Variants in CFAP61 observed in about 807,000 individuals in gnomAD.
CFAP61 encodes the protein cilia- and flagella-associated protein 61.
In CFAP61, 107 loss-of-function variants were observed where a neutral mutation model predicts 135.6. That is an observed-to-expected ratio of 0.79 (90% CI 0.67 to 0.93). CFAP61 has a LOEUF of 0.93. Among genes scored for constraint, CFAP61 ranks in the 40% least tolerant of loss-of-function variants. The pLI, the probability that CFAP61 is intolerant of heterozygous loss-of-function variation, is 0.00. For missense variants in CFAP61, 1,507 were observed against 1,556.2 expected (o/e 0.97, Z 0.53); for synonymous variants, 575 against 578.5 (o/e 0.99, Z 0.09).
chr20:20,278,773 T>A (rs538973045), intron 22 of CFAP61, among the ~76,000 whole-genome samples: 1 of 152,286 alleles, frequency 6.6e-6, no homozygotes, highest in East Asian at 1.9e-4. Context: ...AAGGAAGATT[T>A]TTTTTAGAAT....
At chr20:20,263,465 A>T (rs1394294559) in intron 21 of CFAP61, among the ~76,000 whole-genome samples, 1 of 127,402 alleles carries the variant, frequency 7.8e-6, no homozygotes, top group African/African-American at 2.8e-5. Flanking sequence ...AATTATATGG[A>T]AAATATGTCT....
intron 17 of CFAP61, among the ~76,000 whole-genome samples, chr20:20,211,775 T>C (rs2047660960): frequency 6.6e-6 from 1 of 152,232 alleles, no homozygotes; most frequent in Non-Finnish European, 1.5e-5. Context: ...TGGTAGTCAC[T>C]GTAATTGTGG....
Position 20,096,546 on chromosome 20 carries a change from C to T in CFAP61, c.700-2109C>T, listed in dbSNP as rs6112760. Among the ~76,000 whole-genome samples the T allele has an allele frequency of 3.0e-3, 464 of 152,378 alleles. 2 individuals are homozygous for T. Among genetic ancestry groups the T allele is most frequent in the Non-Finnish European group, 5.8e-3 (392 of 68,036 alleles). ...ACATTCTTATCATACACATGCAGCT[C>T]GCTGTGAAGCCAGCAAAAGGTATTT... is the stretch of plus-strand genomic sequence containing the variant. On this transcript the variant is annotated intron_variant, in intron 7 of 26. Coordinates refer to ENST00000245957, the MANE Select transcript of CFAP61 (RefSeq NM_015585.4).
chr20:20,166,445 A>G lies in CFAP61; in HGVS notation c.1245+9A>G. The G allele has an allele frequency of 6.2e-7, 1 of 1,609,396 alleles. No individual in the cohort carries two copies. The stretch of plus-strand genomic sequence containing the variant: ...TTTTCAGTCTTTTTTCTGTAAGTAC[A>G]TGCTGAATTTTGAGAACTGATTTTG... On this transcript the variant is annotated intron_variant, in intron 12 of 26. Transcript: ENST00000245957.
chr20:20,292,690 GC>G (rs1268755211), intron 24 of CFAP61, among the ~76,000 whole-genome samples: 1 of 152,200 alleles, frequency 6.6e-6, no homozygotes, highest in Non-Finnish European at 1.5e-5. Context: ...GTTCACCACA[GC>G]CTCCCCACCT....
Position 20,359,691 on chromosome 20 carries a change from A to AC in CFAP61, c.3514-518dup, listed in dbSNP as rs2059404911. On this transcript the variant is annotated intron_variant, in intron 26 of 26. Transcript: ENST00000245957. This position sits in a 1 kb window ranked among gnomAD's most constrained non-coding sequence, Gnocchi z 4.0. ...AAAAGCAAAAAACAAAACAACAACA[A>AC]CAACAAAACAAGTATGATCTACAGA... 2.4e-5 allele frequency among the ~76,000 whole-genome samples: 2 copies of AC among 81,960 alleles called. No individual in the cohort carries two copies. Among genetic ancestry groups the AC allele is most frequent in the Non-Finnish European group, 6.4e-5 (2 of 31,466 alleles). The allele number at this position is 81,960 out of a possible 152,430, so 53.8% of individuals were successfully genotyped here. A position where few individuals can be genotyped will look rare whatever the true frequency, so the allele number is the denominator to read the frequency against.
intron 25 of CFAP61, among the ~76,000 whole-genome samples, chr20:20,331,540 A>G (rs1403002051): frequency 6.6e-6 from 1 of 152,146 alleles, no homozygotes; most frequent in Non-Finnish European, 1.5e-5. Flanking sequence ...CATTTCAAAC[A>G]TGGTGTGTGT....
chr20:20,196,692 C>CAAACTTCAGAAAG lies in CFAP61; in HGVS notation c.1715_1716insACTTCAGAAAGAA (p.Phe573LeufsTer16), dbSNP rs1308474370. On this transcript the variant is annotated frameshift_variant, in exon 16 of 27. Coordinates refer to ENST00000245957, the MANE Select transcript of CFAP61 (RefSeq NM_015585.4). LOFTEE classifies it high-confidence loss of function. ...TCAACCCCATTTTCCGGCACTACAC[C>CAAACTTCAGAAAG]AAGTTCTTTCTGAAGGAGATCCTGC... 6.2e-7 allele frequency: 1 copy of CAAACTTCAGAAAG among 1,614,018 alleles called. No individual in the cohort carries two copies. Among genetic ancestry groups the CAAACTTCAGAAAG allele is most frequent in the African/African-American group, 1.3e-5 (1 of 74,904 alleles).
At chr20:20,053,946 C>T (rs1329824939) in intron 1 of CFAP61, among the ~76,000 whole-genome samples, 2 of 151,062 alleles carry the variant, frequency 1.3e-5, no homozygotes, top group Non-Finnish European at 2.9e-5. Flanking sequence ...TTCTGATCAC[C>T]ATCCTTCTCT....
chr20:20,206,349 C>T (rs375420422), intron 17 of CFAP61, among the ~76,000 whole-genome samples: 1 of 152,124 alleles, frequency 6.6e-6, no homozygotes, highest in Non-Finnish European at 1.5e-5. Flanking sequence ...GTTGAACAAC[C>T]ATCACCACTA....
intron 21 of CFAP61, among the ~76,000 whole-genome samples, chr20:20,273,684 G>C (rs1347487321): frequency 6.6e-6 from 1 of 152,206 alleles, no homozygotes; most frequent in Non-Finnish European, 1.5e-5. Context: ...TAGGCTCCAG[G>C]GATAACATGA....
In CFAP61 at chr20:20,228,254, T is replaced by C; in HGVS notation, c.1938T>C (p.Ser646=). ...PSKAVSKDPM[S]YALNHTNRKL... ...TCTTCGTATTTTTTTTCCAGATGAG[T>C]TATGCTTTAAACCATACAAACAGAA... The change falls in exon 18 of 27, where the codon AGT becomes AGC. Residue 646 remains serine (S), a synonymous_variant. Coordinates refer to ENST00000245957, the MANE Select transcript of CFAP61 (RefSeq NM_015585.4). 6.2e-7 allele frequency: 1 copy of C among 1,601,392 alleles called. No individual in the cohort carries two copies. Among genetic ancestry groups the C allele is most frequent in the Non-Finnish European group, 8.5e-7 (1 of 1,169,836 alleles).
At chr20:20,212,966 C>T (rs1363799226) in intron 17 of CFAP61, among the ~76,000 whole-genome samples, 7 of 149,554 alleles carry the variant, frequency 4.7e-5, no homozygotes, top group African/African-American at 7.3e-5. Context: ...GCACCGTGTC[C>T]GGTGGCAGCA....
At chr20:20,133,638 C>G (rs952058141) in intron 8 of CFAP61, among the ~76,000 whole-genome samples, 1 of 152,182 alleles carries the variant, frequency 6.6e-6, no homozygotes, top group African/African-American at 2.4e-5. Flanking sequence ...ATGCTGATGA[C>G]TTTTGTCATG....
chr20:20,275,611 G>C (rs915462202), intron 21 of CFAP61, among the ~76,000 whole-genome samples: 1 of 152,168 alleles, frequency 6.6e-6, no homozygotes, highest in Admixed American at 6.5e-5. Flanking sequence ...GCTCACAGTA[G>C]AGCTGCTAAC....
intron 8 of CFAP61, among the ~76,000 whole-genome samples, chr20:20,128,326 C>T (rs1389005888): frequency 6.6e-6 from 1 of 151,770 alleles, no homozygotes; most frequent in Non-Finnish European, 1.5e-5. Flanking sequence ...CAGGAATGGC[C>T]TGCCTGGGAA....
intron 8 of CFAP61, among the ~76,000 whole-genome samples, chr20:20,115,625 A>C (rs1046469773): frequency 6.6e-6 from 1 of 152,134 alleles, no homozygotes; most frequent in Non-Finnish European, 1.5e-5. Context: ...GGTAACCACC[A>C]ATCTACTCTC....
intron 22 of CFAP61, among the ~76,000 whole-genome samples, chr20:20,278,387 AC>A (rs1285223888): frequency 1.3e-5 from 2 of 152,076 alleles, no homozygotes; most frequent in African/African-American, 4.8e-5. Flanking sequence ...TCCAGCCTGC[AC>A]CCTCAGAGTT....
At chr20:20,296,297 C>CCATT (rs2055531727) in intron 24 of CFAP61, among the ~76,000 whole-genome samples, 1 of 81,260 alleles carries the variant, frequency 1.2e-5, no homozygotes, top group Non-Finnish European at 2.4e-5. Flanking sequence ...TTCCCTCCTT[C>CCATT]CCTTCCTTCC....
Sources: gnomAD v4.1 joint callset for allele counts (sites outside exome capture counted in the v4.1 genomes callset) on GRCh38, gnomAD v4.1.1 for gene constraint, Gnocchi (gnomAD v3.1) non-coding constraint, MANE v1.5 for transcripts, NCBI Gene and HGNC (gene_info 2026-07-23, HGNC 2026-07-21) for gene names.